ANK1: variants seen among roughly 807,000 people sequenced by gnomAD.
The protein encoded by ANK1 is ankyrin 1, also known as ankyrin-1.
Under a neutral mutation model 210.4 loss-of-function variants are expected in ANK1, and 51 were observed. That is an observed-to-expected ratio of 0.24 (90% CI 0.19 to 0.31). The LOEUF (loss-of-function observed/expected upper bound fraction) is 0.31. ANK1 is among the 10% of genes least tolerant of loss of function. ANK1 has a pLI of 1.00. For synonymous variants in ANK1, 967 were observed against 1,025.9 expected (o/e 0.94, Z 1.10); for missense variants, 2,051 against 2,504.4 (o/e 0.82, Z 3.86).
intron 1 of ANK1, among the ~76,000 whole-genome samples, chr8:41,808,985 A>G (rs1190057510): frequency 6.6e-6 from 1 of 152,214 alleles, no homozygotes; most frequent in Non-Finnish European, 1.5e-5. Context: ...ACTTTTTGCT[A>G]TAGGATTATC....
chr8:41,694,112 G>A lies in ANK1; in HGVS notation c.3328-10C>T, dbSNP rs760859998. 1.9e-6 allele frequency: 3 copies of A among 1,612,622 alleles called. No homozygotes were observed. Among genetic ancestry groups the A allele is most frequent in the South Asian group, 2.2e-5 (2 of 90,786 alleles). On this transcript the variant is annotated splice_polypyrimidine_tract_variant and intron_variant, in intron 28 of 42. Coordinates refer to ENST00000289734, the MANE Select transcript of ANK1 (RefSeq NM_000037.4). The surrounding 1 kb of genome is among the most constrained non-coding windows in gnomAD (Gnocchi z 5.7). Reference sequence around the variant, plus strand: ...CCGGGACAGGCTGGGCCTGTGAAATGACAGAGGCAGGACACTCAGGCCCAA... The same window carrying A: ...CCGGGACAGGCTGGGCCTGTGAAATAACAGAGGCAGGACACTCAGGCCCAA...
chr8:41,798,433 G>A (rs1587033608), upstream of ANK1, among the ~76,000 whole-genome samples: 3 of 152,212 alleles, frequency 2.0e-5, 1 homozygote, highest in East Asian at 1.9e-4. Context: ...GGGCAGGGGG[G>A]CGCCCAGGCG....
chr8:41,857,319 C>T (rs764352618), intron 1 of ANK1, among the ~76,000 whole-genome samples: 17 of 151,290 alleles, frequency 1.1e-4, no homozygotes, highest in East Asian at 2.0e-4. Flanking sequence ...ATCTAGTGGC[C>T]GGGCGCGGTG....
chr8:41,740,737 G>A (rs1232717232), intron 2 of ANK1, among the ~76,000 whole-genome samples: 1 of 152,230 alleles, frequency 6.6e-6, no homozygotes, highest in African/African-American at 2.4e-5. Flanking sequence ...AGTTGGTGCA[G>A]TGAGTGCTGG....
intron 1 of ANK1, among the ~76,000 whole-genome samples, chr8:41,859,857 G>A (rs1036897158): frequency 2.6e-5 from 4 of 152,254 alleles, no homozygotes; most frequent in African/African-American, 4.8e-5. Context: ...ACAACAGGTA[G>A]CTTGACAGAT....
intron 20 of ANK1, 49 bp from the exon 21 acceptor site, chr8:41,702,193 G>A (rs1310830702): frequency 1.3e-6 from 2 of 1,524,712 alleles, no homozygotes; most frequent in South Asian, 1.1e-5. Flanking sequence ...TGGAGTCTAG[G>A]AGGCGGGGCT....
Position 41,718,189 on chromosome 8 carries a change from A to C in ANK1, c.1123T>G (p.Leu375Val). 6.2e-7 allele frequency: 1 copy of C among 1,613,860 alleles called. No homozygotes were observed. Among genetic ancestry groups the C allele is most frequent in the African/African-American group, 1.3e-5 (1 of 75,014 alleles). The change falls in exon 11 of 43, where the codon TTA becomes GTA. Residue 375 changes from leucine (L) to valine (V), a missense_variant. This residue lies in a region of ANK1 where 1,413 missense variants were observed against 1,707.4 expected (regional missense o/e 0.83). Transcript: ENST00000289734. ...NSRALNGFTP[L>V]HIACKKNHVR... ...TGGTTCTTTTTGCAGGCGATGTGTA[A>C]GGGGGTAAAGCCATTCTGCAGCCCA...
At chr8:41,758,982 C>T (rs1257107436) in intron 1 of ANK1, among the ~76,000 whole-genome samples, 1 of 151,780 alleles carries the variant, frequency 6.6e-6, no homozygotes, top group Non-Finnish European at 1.5e-5. Flanking sequence ...CCTCCTGCCC[C>T]GGCCTCTGAA....
chr8:41,716,892 T>C (rs921281296), intron 13 of ANK1, 61 bp downstream of exon 13: 6 of 1,537,934 alleles, frequency 3.9e-6, no homozygotes, highest in Non-Finnish European at 5.4e-6. Flanking sequence ...GGATGGGTTC[T>C]CTGCACAGTG....
At chr8:41,730,797 G>C (rs1452288065) in intron 3 of ANK1, among the ~76,000 whole-genome samples, 1 of 152,198 alleles carries the variant, frequency 6.6e-6, no homozygotes, top group Admixed American at 6.5e-5. Context: ...AAAGAAGGAG[G>C]CATCCTGGGT....
Position 41,696,704 on chromosome 8 carries a change from T to C in ANK1, c.2707A>G (p.Ser903Gly). The C allele has an allele frequency of 6.2e-7, 1 of 1,603,212 alleles. No individual in the cohort carries two copies. Reference protein sequence around the residue: ...SPATETSDNISPVASPVHTGF... With the variant: ...SPATETSDNIGPVASPVHTGF... The stretch of plus-strand genomic sequence containing the variant: ...GTATGCACCGGGCTGGCCACCGGGC[T>C]GATGTTGTCTGAGGTCTCGGTGGCC... The change falls in exon 25 of 43, where the codon AGC becomes GGC. Residue 903 changes from serine (S) to glycine (G), a missense_variant. Ser to Gly is a moderately conservative substitution (Grantham distance 56). Around this residue, in one of 6 missense-constraint regions of ANK1, gnomAD observed 1,413 missense variants for 1,707.4 expected, o/e 0.83. Transcript: ENST00000289734.
intron 1 of ANK1, among the ~76,000 whole-genome samples, chr8:41,775,314 C>T (rs900052606): frequency 1.7e-4 from 26 of 152,358 alleles, no homozygotes; most frequent in African/African-American, 5.8e-4. Context: ...AGGGACAGAG[C>T]CAGGATGGGT....
intron 3 of ANK1, among the ~76,000 whole-genome samples, chr8:41,731,127 A>G (rs1214806017): frequency 6.6e-6 from 1 of 152,158 alleles, no homozygotes; most frequent in African/African-American, 2.4e-5. Context: ...CCCTATCTAC[A>G]CACACACATT....
At position 41,702,291 on chromosome 8, in the gene ANK1, C is replaced by T. The variant is rs567141517; in HGVS notation, c.2296-147G>A. On this transcript the variant is annotated intron_variant, in intron 20 of 42. Coordinates refer to ENST00000289734, the MANE Select transcript of ANK1 (RefSeq NM_000037.4). ...GTCACCGTGGGGCCCAGAAAGAGAT[C>T]CCTGCACGTGTGTGTGCCTAGATGT... The T allele has an allele frequency of 3.4e-5, 22 of 653,586 alleles. No homozygotes were observed. In the African/African-American group the frequency reaches 3.7e-4, roughly 11 times the overall value. 40.5% of individuals were successfully genotyped at this position (653,586 alleles called of 1,614,324 possible).
At chr8:41,895,864 T>C (rs906289) in intron 1 of ANK1, among the ~76,000 whole-genome samples, 97,202 of 151,918 alleles carry the variant, frequency 0.64, 33,369 homozygotes, top group African/African-American at 0.9. Context: ...GCTCTCTTCG[T>C]CAGAGTGGGT....
chr8:41,693,231 A>G (rs199539196), intron 29 of ANK1, 30 bp from the exon 30 acceptor site: 1 of 1,528,890 alleles, frequency 6.5e-7, no homozygotes, highest in African/African-American at 1.4e-5. Flanking sequence ...GGGGCTGGGG[A>G]CAGTCTTCAG....
At chr8:41,749,011 G>A (rs1017842508) in intron 2 of ANK1, among the ~76,000 whole-genome samples, 2 of 151,106 alleles carry the variant, frequency 1.3e-5, no homozygotes, top group South Asian at 2.1e-4. Flanking sequence ...CTCCAACCTG[G>A]GCGACAGAGC....
chr8:41,665,617 G>C (rs117444577), intron 39 of ANK1: 5 of 276,804 alleles, frequency 1.8e-5, no homozygotes, highest in Non-Finnish European at 3.5e-5. Flanking sequence ...GCTGTTCCCC[G>C]GCATGGTAGG....
intron 11 of ANK1, 141 bp downstream of exon 11, chr8:41,717,963 CCT>C: frequency 1.2e-6 from 1 of 861,154 alleles, no homozygotes; most frequent in Middle Eastern, 2.7e-4. Flanking sequence ...CTTAGTCACC[CCT>C]GATTCATTCC....
Sources: gnomAD v4.1 joint callset for allele counts (sites outside exome capture counted in the v4.1 genomes callset) on GRCh38, gnomAD v4.1.1 for gene constraint, gnomAD v4.1.1 regional missense constraint, Gnocchi (gnomAD v3.1) non-coding constraint, MANE v1.5 for transcripts, NCBI Gene and HGNC (gene_info 2026-07-23, HGNC 2026-07-21) for gene names.